CEP95: variants seen among roughly 807,000 people sequenced by gnomAD.
CEP95 encodes the protein centrosomal protein of 95 kDa.
In CEP95, 98 loss-of-function variants were observed where a neutral mutation model predicts 111.2. The ratio of observed to expected loss-of-function variants is 0.88; its 90% CI spans 0.75 to 1.04. The LOEUF (loss-of-function observed/expected upper bound fraction) is 1.04. Ranked by LOEUF, CEP95 falls within the 50% of genes least tolerant of loss-of-function variation. The pLI is 0.00. For synonymous variants in CEP95, 323 were observed against 327.1 expected, an observed-to-expected ratio of 0.99 and a Z score of 0.14; for missense variants, 1,027 against 977.2, an observed-to-expected ratio of 1.05 and a Z score of -0.68.
chr17:64,524,312 GTTTTA>G (rs1967620222), intron 8 of CEP95, among the ~76,000 whole-genome samples: 1 of 152,054 alleles, frequency 6.6e-6, no homozygotes, highest in Non-Finnish European at 1.5e-5. Flanking sequence ...AAGGTTGTTT[GTTTTA>G]TTTTTTTTTG....
Position 64,521,538 on chromosome 17 carries a change from A to G in CEP95, c.715+11A>G. On this transcript the variant is annotated intron_variant, in intron 7 of 19. Transcript: ENST00000556440. ...CCTTTGTTGAAGACAGTGAGTTGTA[A>G]TGGATGTTAGTTCTTTACTGCTGAT... 6.2e-7 allele frequency: 1 copy of G among 1,606,638 alleles called. No homozygotes were observed. Among genetic ancestry groups the G allele is most frequent in the Non-Finnish European group, 8.5e-7 (1 of 1,176,792 alleles).
chr17:64,531,022 G>C lies in CEP95; in HGVS notation c.1539+4G>C. On this transcript the variant is annotated splice_donor_region_variant and intron_variant, in intron 13 of 19. Coordinates refer to ENST00000556440, the MANE Select transcript of CEP95 (RefSeq NM_138363.3). ...ACATGAGAAGGAGGAGGAAACAGTG[G>C]GTAAAAGTCTCCACTGTAATAAATG... The C allele has an allele frequency of 2.0e-6, 3 of 1,495,850 alleles. No individual in the cohort carries two copies. The highest frequency in any genetic ancestry group is 2.7e-6 in the Non-Finnish European group (3 of 1,098,584). 92.7% of individuals were successfully genotyped at this position (1,495,850 alleles called of 1,614,324 possible). A position where few individuals can be genotyped will look rare whatever the true frequency, so the allele number is the denominator to read the frequency against.
chr17:64,529,158 G>C (rs891170338), intron 11 of CEP95, 130 bp from the exon 12 acceptor site: 46 of 726,280 alleles, frequency 6.3e-5, no homozygotes, highest in Non-Finnish European at 6.3e-5. Flanking sequence ...ATTCAAGTTA[G>C]TTACAGGAGA....
intron 5 of CEP95, 65 bp downstream of exon 5, chr17:64,516,893 C>A: frequency 1.1e-6 from 1 of 920,758 alleles, no homozygotes. Flanking sequence ...GAATTAAAAT[C>A]ACACGTAATA....
At chr17:64,526,868 G>A (rs1472515322) in intron 10 of CEP95, among the ~76,000 whole-genome samples, 2 of 152,182 alleles carry the variant, frequency 1.3e-5, no homozygotes, top group Non-Finnish European at 2.9e-5. Context: ...GTTGAGATGG[G>A]AGGATCACTG....
In CEP95 at chr17:64,525,879, A is replaced by G. The variant is rs377096878; in HGVS notation, c.1019A>G (p.Lys340Arg). 3.1e-5 allele frequency: 48 copies of G among 1,565,624 alleles called. 1 individual carries two copies. The highest frequency in any genetic ancestry group is 3.4e-4 in the Middle Eastern group (2 of 5,836). The change falls in exon 9 of 20, where the codon AAA becomes AGA. Residue 340 changes from lysine to arginine, a missense_variant. By Grantham distance (26) the Lys-to-Arg change is conservative (BLOSUM62 2). Coordinates refer to ENST00000556440, the MANE Select transcript of CEP95 (RefSeq NM_138363.3). ...AGGACAAGGAAGCCTCCCAAAGGAA[A>G]AAGGTAACATTACTGCAGACTTCAG... ...GPRTRKPPKG[K>R]RNENRATASS...
chr17:64,508,737 C>T lies in CEP95; in HGVS notation c.148+17C>T, dbSNP rs2038722006. 7.5e-7 allele frequency: 1 copy of T among 1,342,010 alleles called. No individual in the cohort carries two copies. Among genetic ancestry groups the T allele is most frequent in the South Asian group, 2.4e-5 (1 of 42,442 alleles). The allele number at this position is 1,342,010 out of a possible 1,614,324, so 83.1% of individuals were successfully genotyped here. Reference sequence around the variant, plus strand: ...AGGTACCAGGTAAGAATACTAAAAGCAGGAGTAATTTTGCCTATATCTTAG... The same window carrying T: ...AGGTACCAGGTAAGAATACTAAAAGTAGGAGTAATTTTGCCTATATCTTAG... On this transcript the variant is annotated intron_variant, in intron 2 of 19. Coordinates refer to ENST00000556440, the MANE Select transcript of CEP95 (RefSeq NM_138363.3).
At position 64,521,445 on chromosome 17, in the gene CEP95, C is replaced by T; in HGVS notation, c.633C>T (p.Ala211=). 2 of 1,612,524 alleles carry T rather than the reference C, an allele frequency of 1.2e-6. No individual in the cohort carries two copies. Among genetic ancestry groups the T allele is most frequent in the Non-Finnish European group, 8.5e-7 (1 of 1,178,748 alleles). ...PNEMLSKKAL[A]SPSSKSHEDM... ...AAATGCTGTCTAAAAAAGCCTTAGC[C>T]TCACCAAGTTCTAAATCACATGAAG... Residue 211 remains alanine (A), a synonymous_variant, in exon 7 of 20, where the codon GCC becomes GCT. Transcript: ENST00000556440.
Position 64,522,758 on chromosome 17 carries a change from C to T in CEP95, c.772C>T (p.Arg258Ter), listed in dbSNP as rs371286401. ...PNARKLGEPI[R>*]AAIPLHPPYH... Reference sequence around the variant, plus strand: ...TGCTAGGAAGCTAGGGGAGCCTATCCGAGCAGCTATTCCTTTACATCCACC... The same window carrying T: ...TGCTAGGAAGCTAGGGGAGCCTATCTGAGCAGCTATTCCTTTACATCCACC... The change falls in exon 8 of 20, where the codon CGA becomes TGA. Residue 258 changes from arginine to a stop codon, truncating the protein, a stop_gained. Transcript: ENST00000556440. LOFTEE classifies it high-confidence loss of function. The T allele has an allele frequency of 1.3e-5, 21 of 1,613,702 alleles. No homozygotes were observed. Among genetic ancestry groups the T allele is most frequent in the South Asian group, 4.4e-5 (4 of 91,078 alleles).
At chr17:64,510,329 A>G (rs1568122054) in intron 3 of CEP95, 49 bp downstream of exon 3, 2 of 1,153,346 alleles carry the variant, frequency 1.7e-6, no homozygotes, top group Admixed American at 2.0e-5. Context: ...AGTAAAAATA[A>G]TTGTTAGAAC....
In CEP95 at chr17:64,521,438, C is replaced by T; in HGVS notation, c.626C>T (p.Ala209Val). ...CCTAATGAAATGCTGTCTAAAAAAGCCTTAGCCTCACCAAGTTCTAAATCA... is the reference window on the plus strand; with the variant it reads ...CCTAATGAAATGCTGTCTAAAAAAGTCTTAGCCTCACCAAGTTCTAAATCA... ...QCPNEMLSKK[A>V]LASPSSKSHE... is the part of the protein sequence containing the mutation. Residue 209 changes from alanine to valine, a missense_variant, in exon 7 of 20, where the codon GCC becomes GTC. Ala to Val is a moderately conservative substitution (Grantham distance 64). Transcript: ENST00000556440. 6.2e-7 allele frequency: 1 copy of T among 1,612,362 alleles called. No individual in the cohort carries two copies. Among genetic ancestry groups the T allele is most frequent in the Non-Finnish European group, 8.5e-7 (1 of 1,178,622 alleles).
In CEP95 at chr17:64,510,230, T is replaced by C; in HGVS notation, c.206T>C (p.Ile69Thr). The C allele has an allele frequency of 1.9e-6, 3 of 1,612,334 alleles. No individual in the cohort carries two copies. Among genetic ancestry groups the C allele is most frequent in the South Asian group, 1.1e-5 (1 of 90,578 alleles). Residue 69 changes from isoleucine to threonine, a missense_variant, in exon 3 of 20, where the codon ATT (isoleucine) becomes ACT (threonine). Coordinates refer to ENST00000556440, the MANE Select transcript of CEP95 (RefSeq NM_138363.3). ...EDDAHNVQAV[I>T]DSLALDYLQV... ...GATGCACACAATGTACAAGCAGTAA[T>C]TGATTCACTGGCCTTGGACTACTTG...
intron 19 of CEP95, 66 bp from the exon 20 acceptor site, chr17:64,537,537 G>T: frequency 6.8e-7 from 1 of 1,477,202 alleles, no homozygotes; most frequent in East Asian, 2.4e-5. Flanking sequence ...AAGATGGAGA[G>T]GGAACAATAG....
At chr17:64,529,756 G>GT (rs1394770377) in intron 12 of CEP95, among the ~76,000 whole-genome samples, 3 of 152,162 alleles carry the variant, frequency 2.0e-5, no homozygotes, top group African/African-American at 7.2e-5. Context: ...GGCCACTTGA[G>GT]TTACAGAGAA....
rs1555680766 is a variant in CEP95 at position 64,533,143 on chromosome 17, C to T, written c.1869C>T (p.Asp623=). Residue 623 remains aspartate (D), a synonymous_variant, in exon 16 of 20, where the codon GAC becomes GAT. Transcript: ENST00000556440. Reference sequence around the variant, plus strand: ...TAGAAGAAGCCCTAAGAAGGCATGACCTCCTTACTACCCTTGTCAAGAAAG... The same window carrying T: ...TAGAAGAAGCCCTAAGAAGGCATGATCTCCTTACTACCCTTGTCAAGAAAG... The part of the protein sequence containing the change: ...DEIEEALRRH[D]LLTTLVKKEY... 6.2e-7 allele frequency: 1 copy of T among 1,602,338 alleles called. No individual in the cohort carries two copies. Among genetic ancestry groups the T allele is most frequent in the South Asian group, 1.1e-5 (1 of 88,800 alleles).
intron 3 of CEP95, among the ~76,000 whole-genome samples, chr17:64,511,545 A>G (rs189373190): frequency 6.6e-6 from 1 of 152,330 alleles, no homozygotes; most frequent in African/African-American, 2.4e-5. Flanking sequence ...TATTCCCTGA[A>G]CAATTGCTGT....
chr17:64,532,274 C>T, intron 14 of CEP95: 2 of 1,216,062 alleles, frequency 1.6e-6, no homozygotes, highest in Non-Finnish European at 2.0e-6. Context: ...CCAGCGTTAG[C>T]CTCACTCGTG....
intron 13 of CEP95, 52 bp downstream of exon 13, chr17:64,531,070 A>G (rs781983683): frequency 9.7e-7 from 1 of 1,034,614 alleles, no homozygotes; most frequent in South Asian, 1.7e-5. Context: ...ATGAGTGGGA[A>G]GTACAAAGAT....
intron 7 of CEP95, among the ~76,000 whole-genome samples, chr17:64,522,136 C>T (rs1396657445): frequency 2.0e-5 from 3 of 152,118 alleles, no homozygotes; most frequent in Non-Finnish European, 4.4e-5. Context: ...CAAGCGTGAG[C>T]TCCCGCACCC....
Sources: allele counts gnomAD v4.1 joint callset (sites outside exome capture counted in the v4.1 genomes callset), GRCh38; gene constraint gnomAD v4.1.1; transcripts MANE v1.5; gene names NCBI Gene and HGNC (gene_info 2026-07-23, HGNC 2026-07-21).